Variants in KHDRBS2 observed in about 807,000 individuals in gnomAD.
KHDRBS2 encodes the protein KH domain-containing, RNA-binding, signal transduction-associated protein 2.
In KHDRBS2, 26 loss-of-function variants were observed where a neutral mutation model predicts 44.3. The ratio of observed to expected loss-of-function variants is 0.59; its 90% CI spans 0.43 to 0.81. The LOEUF is 0.81. KHDRBS2 is among the 40% of genes least tolerant of loss of function. KHDRBS2 has a pLI of 0.00. For missense variants in KHDRBS2, 476 were observed against 433.1 expected (o/e 1.10, Z -0.88); for synonymous variants, 194 against 151.1 (o/e 1.28, Z -2.08).
chr6:61,892,475 T>G (rs1392798255), intron 6 of KHDRBS2, among the ~76,000 whole-genome samples: 12 of 152,000 alleles, frequency 7.9e-5, no homozygotes, highest in Non-Finnish European at 1.2e-4. Flanking sequence ...CAAAGCTGGA[T>G]GCATCATGCT....
chr6:62,205,636 A>G (rs1234055772), intron 1 of KHDRBS2, among the ~76,000 whole-genome samples: 1 of 152,234 alleles, frequency 6.6e-6, no homozygotes, highest in East Asian at 1.9e-4. Flanking sequence ...TGCATTAGAG[A>G]GAAAAGAAAA....
At position 62,285,891 on chromosome 6, in the gene KHDRBS2, A is replaced by G. The variant is rs946781605; in HGVS notation, c.58T>C (p.Ser20Pro). The G allele has an allele frequency of 1.2e-6, 2 of 1,613,536 alleles. No homozygotes were observed. Among genetic ancestry groups the G allele is most frequent in the Non-Finnish European group, 1.7e-6 (2 of 1,179,778 alleles). The change falls in exon 1 of 9, where the codon TCT (serine) becomes CCT (proline). Residue 20 changes from serine to proline, a missense_variant. By Grantham distance (74) the Ser-to-Pro change is moderately conservative. Transcript: ENST00000281156. ...LMAEKDSLDP[S>P]FVHASRLLAE... ...AAAAGGCGCGACGCATGCACAAAAGATGGATCCAGGCTATCTTTCTCTGCC... is the reference window on the plus strand; with the variant it reads ...AAAAGGCGCGACGCATGCACAAAAGGTGGATCCAGGCTATCTTTCTCTGCC...
chr6:61,581,170 T>G, the KHDRBS2 span, among the ~76,000 whole-genome samples: 3 of 152,152 alleles, frequency 2.0e-5, no homozygotes, highest in Admixed American at 6.5e-5. Flanking sequence ...AAACCATAGG[T>G]AGATTTTGCC....
chr6:61,891,429 A>T (rs1801817975), intron 6 of KHDRBS2, among the ~76,000 whole-genome samples: 1 of 152,162 alleles, frequency 6.6e-6, no homozygotes, highest in Non-Finnish European at 1.5e-5. Flanking sequence ...CTTTGGTATC[A>T]GGATGATGCT....
At chr6:61,963,721 C>A (rs1248322991) in intron 4 of KHDRBS2, among the ~76,000 whole-genome samples, 1 of 152,066 alleles carries the variant, frequency 6.6e-6, no homozygotes, top group African/African-American at 2.4e-5. Context: ...AATTGGGACA[C>A]ATAGCCGGCA....
chr6:62,043,808 G>A (rs1180619296), intron 3 of KHDRBS2, among the ~76,000 whole-genome samples: 2 of 151,884 alleles, frequency 1.3e-5, no homozygotes, highest in African/African-American at 4.8e-5. Flanking sequence ...TAATGATCTG[G>A]AAACATATCT....
At chr6:62,009,160 G>T (rs1015895231) in intron 3 of KHDRBS2, among the ~76,000 whole-genome samples, 3 of 152,208 alleles carry the variant, frequency 2.0e-5, no homozygotes, top group African/African-American at 7.2e-5. Context: ...ATGAAATCCA[G>T]TCTGAGGTGG....
intron 2 of KHDRBS2, among the ~76,000 whole-genome samples, chr6:62,095,144 T>C (rs902871851): frequency 3.3e-5 from 5 of 151,782 alleles, no homozygotes; most frequent in Non-Finnish European, 5.9e-5. Flanking sequence ...TCTGAAAATA[T>C]TCTATATGTT....
chr6:62,009,606 A>T (rs1305570550), intron 3 of KHDRBS2, among the ~76,000 whole-genome samples: 2 of 152,170 alleles, frequency 1.3e-5, no homozygotes, highest in Admixed American at 1.3e-4. Context: ...CCTAGGAGGA[A>T]AAGTGGTTTT....
the KHDRBS2 span, among the ~76,000 whole-genome samples, chr6:61,587,591 GAGTC>G: frequency 6.6e-6 from 1 of 152,042 alleles, no homozygotes; most frequent in South Asian, 2.1e-4. Flanking sequence ...CCTCCGTGTG[GAGTC>G]AGTCTAATAC....
chr6:61,776,666 AG>A (rs918933955), intron 6 of KHDRBS2, among the ~76,000 whole-genome samples: 2 of 152,234 alleles, frequency 1.3e-5, no homozygotes, highest in African/African-American at 4.8e-5. Context: ...GTGAAGAAAT[AG>A]GAACACTTTT....
chr6:61,619,102 T>C, the KHDRBS2 span, among the ~76,000 whole-genome samples: 2 of 152,040 alleles, frequency 1.3e-5, no homozygotes, highest in Non-Finnish European at 2.9e-5. Context: ...AAATTGAATA[T>C]AAAAAAAGTT....
At chr6:62,024,986 T>C (rs539815943) in intron 3 of KHDRBS2, among the ~76,000 whole-genome samples, 3 of 151,606 alleles carry the variant, frequency 2.0e-5, no homozygotes, top group Admixed American at 6.6e-5. Flanking sequence ...GTCAAAACAA[T>C]AACCATTAAA....
the KHDRBS2 span, among the ~76,000 whole-genome samples, chr6:61,567,151 AT>A: frequency 6.6e-6 from 1 of 152,212 alleles, no homozygotes; most frequent in Non-Finnish European, 1.5e-5. Flanking sequence ...CAATGATTAC[AT>A]TTCAAAAGGA....
chr6:61,693,677 G>T (rs1279523892), intron 8 of KHDRBS2, among the ~76,000 whole-genome samples: 1 of 152,020 alleles, frequency 6.6e-6, no homozygotes, highest in Non-Finnish European at 1.5e-5. Context: ...TACTTTCTAT[G>T]TGCAGAAAAT....
intron 2 of KHDRBS2, among the ~76,000 whole-genome samples, chr6:62,055,469 A>G (rs1319680557): frequency 1.3e-5 from 2 of 152,036 alleles, no homozygotes; most frequent in Non-Finnish European, 2.9e-5. Context: ...ATGTACTTAT[A>G]TACGCACCTG....
intron 6 of KHDRBS2, among the ~76,000 whole-genome samples, chr6:61,875,344 A>G (rs1052556055): frequency 4.6e-5 from 7 of 152,094 alleles, no homozygotes; most frequent in Admixed American, 4.6e-4. Context: ...GTGGTGGAAG[A>G]TGGAGCAAGA....
the KHDRBS2 span, among the ~76,000 whole-genome samples, chr6:61,632,847 C>T: frequency 1.3e-5 from 2 of 152,076 alleles, no homozygotes; most frequent in Non-Finnish European, 2.9e-5. Flanking sequence ...ACATGAAGGG[C>T]AGTGTGCAAT....
At chr6:61,704,888 C>T (rs1238282764) in intron 7 of KHDRBS2, among the ~76,000 whole-genome samples, 1 of 151,814 alleles carries the variant, frequency 6.6e-6, no homozygotes, top group Non-Finnish European at 1.5e-5. Flanking sequence ...TGAACTTGGG[C>T]TTTTTTGTTA....
Sources: gnomAD v4.1 joint callset for allele counts (sites outside exome capture counted in the v4.1 genomes callset) on GRCh38, gnomAD v4.1.1 for gene constraint, MANE v1.5 for transcripts, NCBI Gene and HGNC (gene_info 2026-07-23, HGNC 2026-07-21) for gene names.